FGD4: variants seen among roughly 807,000 people sequenced by gnomAD.
The protein encoded by FGD4 is FYVE, RhoGEF and PH domain containing 4.
In FGD4, 42 loss-of-function variants were observed where a neutral mutation model predicts 102.0. The ratio of observed to expected loss-of-function variants is 0.41; its 90% CI spans 0.32 to 0.53. FGD4 has a LOEUF of 0.53. FGD4 is among the 20% of genes least tolerant of loss of function. FGD4 has a pLI of 0.21. For synonymous variants in FGD4, 380 were observed against 375.7 expected, an observed-to-expected ratio of 1.01 and a Z score of -0.13; for missense variants, 902 against 1,078.2, an observed-to-expected ratio of 0.84 and a Z score of 2.29.
chr12:32,449,332 G>C (rs1942706472), intron 1 of FGD4, among the ~76,000 whole-genome samples: 1 of 152,134 alleles, frequency 6.6e-6, no homozygotes. Flanking sequence ...CACCAATAAT[G>C]CCCTTCATGG....
chr12:32,507,198 C>G (rs1463981659), intron 1 of FGD4, among the ~76,000 whole-genome samples: 1 of 150,876 alleles, frequency 6.6e-6, no homozygotes, highest in African/African-American at 2.4e-5. Flanking sequence ...TTTGTCCTTG[C>G]GATAGTTTAC....
At chr12:32,400,785 T>C (rs1166104048) in intron 1 of FGD4, among the ~76,000 whole-genome samples, 1 of 152,204 alleles carries the variant, frequency 6.6e-6, no homozygotes, top group East Asian at 1.9e-4. Context: ...CAAAACCTCA[T>C]TTGAGCAGCA....
chr12:32,625,907 C>T (rs117284171), intron 14 of FGD4, 128 bp downstream of exon 14: 13,446 of 1,267,118 alleles, frequency 0.011, 107 homozygotes, highest in Non-Finnish European at 0.013. Flanking sequence ...GTGCCAATTA[C>T]GTGCAGAGGA....
At chr12:32,517,433 G>A (rs187463359) in intron 1 of FGD4, among the ~76,000 whole-genome samples, 12 of 152,166 alleles carry the variant, frequency 7.9e-5, no homozygotes, top group African/African-American at 2.9e-4. Flanking sequence ...TTATTATATG[G>A]AGATTAATTT....
chr12:32,410,732 C>G (rs1941170598), intron 1 of FGD4, among the ~76,000 whole-genome samples: 1 of 152,110 alleles, frequency 6.6e-6, no homozygotes, highest in Middle Eastern at 3.2e-3. Context: ...ACTGCAGTGT[C>G]TGTGGAAACC....
At chr12:32,569,641 C>G (rs1435259759) in intron 2 of FGD4, among the ~76,000 whole-genome samples, 6 of 152,128 alleles carry the variant, frequency 3.9e-5, no homozygotes, top group Non-Finnish European at 8.8e-5. Flanking sequence ...GTTCTTTTAG[C>G]CCTCACCACG....
At chr12:32,421,588 T>C (rs1941628256) in intron 1 of FGD4, among the ~76,000 whole-genome samples, 1 of 152,198 alleles carries the variant, frequency 6.6e-6, no homozygotes, top group Admixed American at 6.5e-5. Context: ...TCCACTGTCC[T>C]CTCTTCTTTC....
At chr12:32,500,596 G>A (rs1938145702) in intron 1 of FGD4, among the ~76,000 whole-genome samples, 1 of 151,830 alleles carries the variant, frequency 6.6e-6, no homozygotes, top group African/African-American at 2.4e-5. Context: ...ACCATGCCCG[G>A]CTAATTTTTG....
chr12:32,429,858 G>T (rs1315294397), intron 1 of FGD4, among the ~76,000 whole-genome samples: 1 of 152,090 alleles, frequency 6.6e-6, no homozygotes, highest in Non-Finnish European at 1.5e-5. Context: ...TGGTTTTGGT[G>T]GGTTTTGGCC....
chr12:32,489,520 A>C (rs1944020199), intron 1 of FGD4, among the ~76,000 whole-genome samples: 1 of 152,250 alleles, frequency 6.6e-6, no homozygotes, highest in African/African-American at 2.4e-5. Flanking sequence ...CATAGCAGAA[A>C]TGCTACAGAC....
At chr12:32,602,462 G>A in intron 7 of FGD4, 145 bp downstream of exon 7, 1 of 900,726 alleles carries the variant, frequency 1.1e-6, no homozygotes, top group Non-Finnish European at 1.8e-6. Flanking sequence ...GATCATCTCT[G>A]CAATGCTGAA....
intron 10 of FGD4, among the ~76,000 whole-genome samples, chr12:32,618,435 G>C (rs535686820): frequency 2.2e-3 from 247 of 111,034 alleles, no homozygotes; most frequent in African/African-American, 0.01. Flanking sequence ...GATATGGATG[G>C]TGATTAAAAA....
At chr12:32,499,474 G>A (rs1565778852) in intron 1 of FGD4, among the ~76,000 whole-genome samples, 1 of 152,032 alleles carries the variant, frequency 6.6e-6, no homozygotes, top group Non-Finnish European at 1.5e-5. Context: ...TTTTTCCCAT[G>A]GAGTCAATTC....
rs1301759426 is a variant in FGD4 at position 32,415,826 on chromosome 12, AG to A, written c.166+15868del. Among the ~76,000 whole-genome samples, 6 of 152,098 alleles carry A rather than the reference AG, an allele frequency of 3.9e-5. No homozygotes were observed. The East Asian group carries it at 1.2e-3, about 29-fold the overall frequency. On this transcript the variant is annotated intron_variant, in intron 1 of 16. Coordinates refer to ENST00000534526, the MANE Select transcript of FGD4 (RefSeq NM_001370298.3). ...AGTGACGTTATATGTGTTTTCTTAC[AG>A]TTTTTCTCTTGAAACCTATTTCATC...
At chr12:32,539,500 C>T (rs1942616346) in intron 1 of FGD4, among the ~76,000 whole-genome samples, 2 of 150,780 alleles carry the variant, frequency 1.3e-5, no homozygotes, top group East Asian at 2.0e-4. Flanking sequence ...ACCTGAGAGG[C>T]GGAGGTTGCA....
intron 1 of FGD4, among the ~76,000 whole-genome samples, chr12:32,531,629 T>C (rs1941828898): frequency 1.3e-5 from 2 of 152,256 alleles, no homozygotes; most frequent in African/African-American, 4.8e-5. Context: ...TGCTGTGTGG[T>C]ATGCCATTGT....
chr12:32,531,968 C>G lies in FGD4; in HGVS notation c.167-32169C>G, dbSNP rs138161924. 7.4e-3 allele frequency among the ~76,000 whole-genome samples: 1,129 copies of G among 152,254 alleles called. 12 individuals are homozygous for G. Among genetic ancestry groups the G allele is most frequent in the African/African-American group, 0.025 (1,057 of 41,538 alleles). On this transcript the variant is annotated intron_variant, in intron 1 of 16. Transcript: ENST00000534526. ...TATTTTATTTTAGTTATCACTTTCT[C>G]CTGCAAACCATGTTTTGATTTTTGG...
At chr12:32,459,921 G>T (rs1488304239) in intron 1 of FGD4, among the ~76,000 whole-genome samples, 3 of 151,716 alleles carry the variant, frequency 2.0e-5, no homozygotes, top group Non-Finnish European at 4.4e-5. Flanking sequence ...TCCCAGGCTG[G>T]TCTCTAATTT....
At chr12:32,618,609 A>G (rs1379223650) in intron 10 of FGD4, among the ~76,000 whole-genome samples, 1 of 152,222 alleles carries the variant, frequency 6.6e-6, no homozygotes, top group African/African-American at 2.4e-5. Context: ...AGGTGAGAGT[A>G]TTATTTGAGA....
Sources: gnomAD v4.1 joint callset for allele counts (sites outside exome capture counted in the v4.1 genomes callset) on GRCh38, gnomAD v4.1.1 for gene constraint, MANE v1.5 for transcripts, NCBI Gene and HGNC (gene_info 2026-07-23, HGNC 2026-07-21) for gene names.